Variants in ERC2 observed in about 807,000 individuals in gnomAD.
ERC2 encodes the protein ERC protein 2.
Under a neutral mutation model 114.8 loss-of-function variants are expected in ERC2, and 42 were observed. That is an observed-to-expected ratio of 0.37 (90% CI 0.29 to 0.47). ERC2 has a LOEUF of 0.47. Ranked by LOEUF, ERC2 falls within the 20% of genes least tolerant of loss-of-function variation. The probability of loss-of-function intolerance (pLI) is 0.99; values close to 1 mark genes in which losing one functional copy is unlikely to be tolerated. For synonymous variants in ERC2, 454 were observed against 425.5 expected, an observed-to-expected ratio of 1.07 and a Z score of -0.82; for missense variants, 939 against 1,150.7, an observed-to-expected ratio of 0.82 and a Z score of 2.66.
intron 2 of ERC2, among the ~76,000 whole-genome samples, chr3:56,330,007 A>G (rs2057536150): frequency 6.6e-6 from 1 of 151,734 alleles, no homozygotes; most frequent in East Asian, 1.9e-4. Flanking sequence ...TCCAATAAAC[A>G]TATATATATT....
intron 6 of ERC2, among the ~76,000 whole-genome samples, chr3:56,094,671 G>T (rs2077962183): frequency 6.6e-6 from 1 of 152,176 alleles, no homozygotes; most frequent in Non-Finnish European, 1.5e-5. Flanking sequence ...CATATTTAAA[G>T]CTTTGGTAAT....
intron 1 of ERC2, among the ~76,000 whole-genome samples, chr3:56,435,468 C>A (rs1371605099): frequency 6.6e-6 from 1 of 152,078 alleles, no homozygotes; most frequent in Non-Finnish European, 1.5e-5. Flanking sequence ...AGAGTTAGAA[C>A]CTCTAGAAAA....
chr3:56,256,737 G>T (rs1402020814), intron 3 of ERC2, among the ~76,000 whole-genome samples: 1 of 152,088 alleles, frequency 6.6e-6, no homozygotes, highest in African/African-American at 2.4e-5. Flanking sequence ...CCCCCATGTG[G>T]TTTTCATGAT....
At chr3:56,159,716 A>C (rs2081951339) in intron 4 of ERC2, among the ~76,000 whole-genome samples, 1 of 152,014 alleles carries the variant, frequency 6.6e-6, no homozygotes, top group South Asian at 2.1e-4. Flanking sequence ...GTCCATGAGT[A>C]CTTGATGTTT....
intron 6 of ERC2, among the ~76,000 whole-genome samples, chr3:56,101,834 G>T (rs558438619): frequency 6.6e-6 from 1 of 152,298 alleles, no homozygotes; most frequent in South Asian, 2.1e-4. Context: ...CCTCAGAGGA[G>T]AATGTCAAGG....
At chr3:55,526,793 G>T (rs1033893472) in intron 17 of ERC2, among the ~76,000 whole-genome samples, 5 of 152,206 alleles carry the variant, frequency 3.3e-5, no homozygotes, top group Non-Finnish European at 7.3e-5. Context: ...GTGCACAATC[G>T]CTGTGCTTGT....
chr3:55,560,098 G>T (rs2055902153), intron 17 of ERC2, among the ~76,000 whole-genome samples: 2 of 152,162 alleles, frequency 1.3e-5, no homozygotes, highest in Non-Finnish European at 2.9e-5. Flanking sequence ...ACCCTCAGCA[G>T]CCCCTTGCTT....
At chr3:55,853,105 C>A (rs1018096691) in intron 14 of ERC2, among the ~76,000 whole-genome samples, 3 of 152,190 alleles carry the variant, frequency 2.0e-5, no homozygotes, top group Admixed American at 6.5e-5. Context: ...AGCACAATCG[C>A]CCCTGGTTGA....
chr3:55,704,751 C>T (rs1477983384), intron 15 of ERC2, among the ~76,000 whole-genome samples: 1 of 152,146 alleles, frequency 6.6e-6, no homozygotes, highest in Non-Finnish European at 1.5e-5. Context: ...AAGGAATGTG[C>T]CGCATTGGGG....
intron 17 of ERC2, among the ~76,000 whole-genome samples, chr3:55,646,498 T>A (rs552186976): frequency 6.6e-6 from 1 of 152,350 alleles, no homozygotes; most frequent in Non-Finnish European, 1.5e-5. Context: ...TGAATGATTG[T>A]CTTTTTGGGA....
intron 14 of ERC2, among the ~76,000 whole-genome samples, chr3:55,800,395 G>C (rs1482582786): frequency 6.6e-6 from 1 of 152,044 alleles, no homozygotes; most frequent in East Asian, 1.9e-4. Context: ...ACCTGCCTCG[G>C]CCTACCAAAG....
At chr3:56,107,263 T>TTC (rs1491549046) in intron 6 of ERC2, among the ~76,000 whole-genome samples, 106 of 83,048 alleles carry the variant, frequency 1.3e-3, no homozygotes, top group African/African-American at 4.3e-3. Flanking sequence ...TTAAATCCAC[T>TTC]TTTTTTTTTT....
chr3:55,995,028 A>C (rs1477720176), intron 10 of ERC2, among the ~76,000 whole-genome samples: 1 of 152,182 alleles, frequency 6.6e-6, no homozygotes, highest in African/African-American at 2.4e-5. Context: ...TGCTAATGAG[A>C]CTTTTAAAAT....
At chr3:55,988,248 A>C (rs192777774) in intron 11 of ERC2, among the ~76,000 whole-genome samples, 1 of 152,162 alleles carries the variant, frequency 6.6e-6, no homozygotes, top group African/African-American at 2.4e-5. Flanking sequence ...TGGAATAAAG[A>C]CTTCAGCTGA....
rs79381978 is a variant in ERC2 at position 55,791,466 on chromosome 3, T to A, written c.2565-56548A>T. On this transcript the variant is annotated intron_variant, in intron 14 of 17. Coordinates refer to ENST00000288221, the MANE Select transcript of ERC2 (RefSeq NM_015576.3). ...TATATTAAATATGAAAATCTTACTA[T>A]GTTTTTCCACTTTGTTTTTGTCCTT... 3.2e-3 allele frequency among the ~76,000 whole-genome samples: 487 copies of A among 152,292 alleles called. 3 individuals are homozygous for A. Among genetic ancestry groups the A allele is most frequent in the African/African-American group, 0.011 (465 of 41,574 alleles).
intron 2 of ERC2, among the ~76,000 whole-genome samples, chr3:56,311,230 CTTCTCTCTCTCTCTCTCTCTCTCT>C (rs2056521051): frequency 3.4e-5 from 1 of 29,234 alleles, no homozygotes; most frequent in African/African-American, 1.2e-4. Context: ...TATCCATCAT[CTTCTCTCTCTCTCTCTCTCTCTCT>C]CTATATATAT....
rs2082793619 is a variant in ERC2, at chr3:56,173,502, G to A, written c.1093C>T (p.Gln365Ter). The A allele has an allele frequency of 6.2e-7, 1 of 1,613,738 alleles. No homozygotes were observed. Among genetic ancestry groups the A allele is most frequent in the African/African-American group, 1.3e-5 (1 of 74,910 alleles). The change falls in exon 4 of 18, where the codon CAA becomes TAA. Residue 365 changes from glutamine to a stop codon, truncating the protein, a stop_gained. Transcript: ENST00000288221. LOFTEE classifies it high-confidence loss of function. ...HLREELHRRS[Q>*]LQPEPAKTKA... ...GTCTTGGCTGGCTCCGGCTGAAGTT[G>A]GCTTCTTCGGTGCAATTCCTGGGGA...
intron 17 of ERC2, among the ~76,000 whole-genome samples, chr3:55,583,519 CCCTCCCTTCCTTCCTTCCTTCCTTTCTT>C (rs1559693224): frequency 2.5e-4 from 10 of 40,014 alleles, no homozygotes; most frequent in South Asian, 2.2e-3. Flanking sequence ...CTCCCTCCCT[CCCTCCCTTCCTTCCTTCCTTCCTTTCTT>C]CCTTCCTTCC....
At chr3:56,285,353 T>C (rs1322749636) in intron 3 of ERC2, among the ~76,000 whole-genome samples, 1 of 151,666 alleles carries the variant, frequency 6.6e-6, no homozygotes, top group Non-Finnish European at 1.5e-5. Context: ...GTCAGCACAA[T>C]CTGGGGAAGA....
Sources: allele counts gnomAD v4.1 joint callset (sites outside exome capture counted in the v4.1 genomes callset), GRCh38; gene constraint gnomAD v4.1.1; transcripts MANE v1.5; gene names NCBI Gene and HGNC (gene_info 2026-07-23, HGNC 2026-07-21).